The following NAV1 variants were observed in gnomAD, a reference collection of about 807,000 sequenced individuals.
NAV1 encodes neuron navigator 1, also known as pore membrane and/or filament interacting like protein 3.
Under a neutral mutation model 175.2 loss-of-function variants are expected in NAV1, and 18 were observed. The observed-to-expected ratio is 0.10, with a 90% CI of 0.07 to 0.15. NAV1 has a LOEUF of 0.15. NAV1 is among the 10% of genes least tolerant of loss of function. The pLI is 1.00. For missense variants in NAV1, 1,731 were observed against 2,436.6 expected, an observed-to-expected ratio of 0.71 and a Z score of 6.10; for synonymous variants, 897 against 978.7, an observed-to-expected ratio of 0.92 and a Z score of 1.56.
intron 3 of NAV1, among the ~76,000 whole-genome samples, chr1:201,762,256 A>G (rs555705314): frequency 5.4e-4 from 83 of 152,362 alleles, no homozygotes; most frequent in African/African-American, 1.9e-3. Context: ...AGAAGTAATA[A>G]AAGTGGAAAT....
exon 1 of NAV1, chr1:201,649,119 G>A: frequency 2.5e-6 from 4 of 1,612,634 alleles, no homozygotes; most frequent in Non-Finnish European, 3.4e-6. Flanking sequence ...CCAGGCCAAG[G>A]GCAGCCCGGC....
At chr1:201,649,037 C>T in exon 1 of NAV1, 1 of 1,613,584 alleles carries the variant, frequency 6.2e-7, no homozygotes, top group Non-Finnish European at 8.5e-7. Context: ...AAGGCTTAGG[C>T]AAGGTGGGGT....
chr1:201,684,979 C>T (rs1278543120), intron 1 of NAV1, among the ~76,000 whole-genome samples: 10 of 141,824 alleles, frequency 7.1e-5, no homozygotes, highest in Non-Finnish European at 1.5e-4. Flanking sequence ...AAAAAAAAAC[C>T]CACAACCCCA....
At chr1:201,704,765 G>T (rs1270104376) in intron 1 of NAV1, among the ~76,000 whole-genome samples, 1 of 152,188 alleles carries the variant, frequency 6.6e-6, no homozygotes, top group African/African-American at 2.4e-5. Flanking sequence ...TGACACCCTG[G>T]TATCTGCCTT....
At chr1:201,550,589 T>G (rs907161104) in intron 1 of NAV1, among the ~76,000 whole-genome samples, 1 of 152,198 alleles carries the variant, frequency 6.6e-6, no homozygotes, top group Non-Finnish European at 1.5e-5. Flanking sequence ...GAAGAAAAAT[T>G]TTATCTGTAA....
chr1:201,572,615 G>A (rs1373292989), intron 1 of NAV1, among the ~76,000 whole-genome samples: 3 of 151,772 alleles, frequency 2.0e-5, no homozygotes, highest in Non-Finnish European at 4.4e-5. Flanking sequence ...TGATCCACCC[G>A]CCTCAGCCTC....
chr1:201,591,556 G>A (rs1667195041), intron 2 of NAV1, among the ~76,000 whole-genome samples: 1 of 152,164 alleles, frequency 6.6e-6, no homozygotes, highest in Non-Finnish European at 1.5e-5. Context: ...GTTGGCACTG[G>A]GACAGAAAAT....
In NAV1 at chr1:201,789,583, G is replaced by A. The variant is rs149490330; in HGVS notation, c.3167-157G>A. ...AGCTTGACTCAAGACCTTGCTTTGG[G>A]CTGTTTTGATACCAGCTGGGTTCCC... On this transcript the variant is annotated intron_variant, in intron 10 of 29. Coordinates refer to ENST00000367296, the Ensembl canonical transcript of NAV1. 6.7e-3 allele frequency among the ~76,000 whole-genome samples: 1,025 copies of A among 152,264 alleles called. 14 individuals carry two copies. The highest frequency in any genetic ancestry group is 0.023 in the African/African-American group (959 of 41,554).
At chr1:201,669,874 C>T (rs933348398) in intron 1 of NAV1, among the ~76,000 whole-genome samples, 10 of 152,096 alleles carry the variant, frequency 6.6e-5, no homozygotes, top group Non-Finnish European at 1.2e-4. Flanking sequence ...GGGCCTGGTG[C>T]ACTGTGTTCC....
intron 3 of NAV1, among the ~76,000 whole-genome samples, chr1:201,751,076 C>A (rs1293518750): frequency 6.6e-6 from 1 of 152,112 alleles, no homozygotes; most frequent in Non-Finnish European, 1.5e-5. Flanking sequence ...CATAGTTGCC[C>A]AAGAAAAGCA....
At chr1:201,641,617 G>A (rs1307023303) in intron 2 of NAV1, among the ~76,000 whole-genome samples, 1 of 152,226 alleles carries the variant, frequency 6.6e-6, no homozygotes, top group Non-Finnish European at 1.5e-5. Context: ...GTTGGCATCT[G>A]CTAGGCAGGT....
Position 201,808,835 on chromosome 1 carries a change from C to T in NAV1, c.4171C>T (p.Leu1391Phe), listed in dbSNP as rs750817416. The stretch of plus-strand genomic sequence containing the variant: ...CCCACGCCGCTCCCTAGGCCTGGCA[C>T]TCACCCATTCCTTCGGCCCCAGTCT... The change falls in exon 20 of 30, where the codon CTC becomes TTC. Residue 1391 changes from leucine to phenylalanine, a missense_variant. Around this residue, in one of 13 missense-constraint regions of NAV1, gnomAD observed 122 missense variants for 139.4 expected, o/e 0.88. Transcript: ENST00000367296. This position sits in a 1 kb window ranked among gnomAD's most constrained non-coding sequence, Gnocchi z 5.5. The T allele has an allele frequency of 4.3e-6, 7 of 1,613,460 alleles. No homozygotes were observed. In the South Asian group the frequency reaches 7.7e-5, roughly 18 times the overall value.
intron 2 of NAV1, among the ~76,000 whole-genome samples, chr1:201,591,452 G>A (rs914681913): frequency 1.3e-5 from 2 of 152,200 alleles, no homozygotes; most frequent in African/African-American, 4.8e-5. Flanking sequence ...AGTTGCCTTT[G>A]AGTAGCCCCA....
chr1:201,643,331 C>A (rs527780706), upstream of NAV1, among the ~76,000 whole-genome samples: 56 of 135,232 alleles, frequency 4.1e-4, no homozygotes, highest in East Asian at 0.011. Context: ...TTCTTCCCTT[C>A]CCTCTCTTCT....
In NAV1 at chr1:201,740,040, T is replaced by G; in HGVS notation, c.1226+21285T>G. 6.7e-7 allele frequency: 1 copy of G among 1,499,346 alleles called. No individual in the cohort carries two copies. Among genetic ancestry groups the G allele is most frequent in the Non-Finnish European group, 8.9e-7 (1 of 1,122,048 alleles). 92.9% of individuals were successfully genotyped at this position (1,499,346 alleles called of 1,614,324 possible). A position where few individuals can be genotyped will look rare whatever the true frequency, so the allele number is the denominator to read the frequency against. Reference sequence around the variant, plus strand: ...CCGGGGAAGATGCTTCATCTGCCCCTGCCCAGATCCGGAAGAACGGTGAAT... The same window carrying G: ...CCGGGGAAGATGCTTCATCTGCCCCGGCCCAGATCCGGAAGAACGGTGAAT... On this transcript the variant is annotated intron_variant, in intron 3 of 29. Coordinates refer to ENST00000367296, the Ensembl canonical transcript of NAV1. This position sits in a 1 kb window ranked among gnomAD's most constrained non-coding sequence, Gnocchi z 4.7.
chr1:201,554,742 C>T (rs1461960642), intron 1 of NAV1, among the ~76,000 whole-genome samples: 1 of 152,148 alleles, frequency 6.6e-6, no homozygotes, highest in African/African-American at 2.4e-5. Context: ...GTCTTAGAGT[C>T]CTTATCCATC....
chr1:201,586,069 G>A (rs1667018304), intron 1 of NAV1, among the ~76,000 whole-genome samples: 1 of 152,204 alleles, frequency 6.6e-6, no homozygotes, highest in African/African-American at 2.4e-5. Context: ...AGCAACCCAT[G>A]TATCTGTTGA....
intron 1 of NAV1, among the ~76,000 whole-genome samples, chr1:201,627,286 T>C (rs1332747600): frequency 6.6e-6 from 1 of 152,066 alleles, no homozygotes; most frequent in African/African-American, 2.4e-5. Flanking sequence ...TTTCTTTTTT[T>C]TTTTGAAATG....
intron 2 of NAV1, among the ~76,000 whole-genome samples, chr1:201,642,204 T>C (rs201642974): frequency 0.22 from 26,828 of 124,442 alleles, 3,122 homozygotes; most frequent in Admixed American, 0.29. Flanking sequence ...TTTCTTCCTT[T>C]CTTCCTTCCC....
Sources: allele counts gnomAD v4.1 joint callset (sites outside exome capture counted in the v4.1 genomes callset), GRCh38; gene constraint gnomAD v4.1.1; regional missense constraint gnomAD v4.1.1; non-coding constraint Gnocchi (gnomAD v3.1); transcripts MANE v1.5; gene names NCBI Gene and HGNC (gene_info 2026-07-23, HGNC 2026-07-21).